RBFOX3: variants seen among roughly 807,000 people sequenced by gnomAD.
The protein encoded by RBFOX3 is RNA binding protein fox-1 homolog 3.
In RBFOX3, 17 loss-of-function variants were observed where a neutral mutation model predicts 48.7. The ratio of observed to expected loss-of-function variants is 0.35; its 90% CI spans 0.24 to 0.52. The LOEUF (loss-of-function observed/expected upper bound fraction) is 0.52, where lower values mean the gene tolerates loss of function less well. RBFOX3 is among the 20% of genes least tolerant of loss of function. RBFOX3 has a pLI of 0.94. For synonymous variants in RBFOX3, 212 were observed against 209.5 expected (o/e 1.01, Z -0.10); for missense variants, 382 against 497.5 (o/e 0.77, Z 2.21).
chr17:79,498,693 T>A (rs1324561486), intron 1 of RBFOX3, among the ~76,000 whole-genome samples: 5 of 137,404 alleles, frequency 3.6e-5, no homozygotes, highest in African/African-American at 1.1e-4. Context: ...CACTTACCCA[T>A]CCACCTACTC....
chr17:79,230,671 A>C (rs945628754), intron 4 of RBFOX3, among the ~76,000 whole-genome samples: 7 of 152,144 alleles, frequency 4.6e-5, no homozygotes, highest in African/African-American at 1.7e-4. Flanking sequence ...CATTGAGGAG[A>C]GGAGGCTGTT....
chr17:79,491,847 A>G (rs1432926445), intron 1 of RBFOX3, among the ~76,000 whole-genome samples: 1 of 152,200 alleles, frequency 6.6e-6, no homozygotes, highest in Non-Finnish European at 1.5e-5. Context: ...TGGGAGGCCA[A>G]GGTGGGCAGA....
intron 6 of RBFOX3, 138 bp downstream of exon 6, chr17:79,106,513 G>T: frequency 1.7e-6 from 2 of 1,143,862 alleles, no homozygotes; most frequent in Non-Finnish European, 2.3e-6. Flanking sequence ...GGAATCCTGG[G>T]GCCCCGGAGG....
chr17:79,506,629 T>C (rs2083176524), intron 1 of RBFOX3, among the ~76,000 whole-genome samples: 2 of 152,104 alleles, frequency 1.3e-5, no homozygotes, highest in Admixed American at 6.5e-5. Context: ...AGGAAGCCAA[T>C]TGCCGCGGCC....
chr17:79,212,000 A>C (rs1449177912), intron 4 of RBFOX3, among the ~76,000 whole-genome samples: 2 of 152,190 alleles, frequency 1.3e-5, no homozygotes, highest in Non-Finnish European at 2.9e-5. Context: ...GGTTGTGGCC[A>C]GGCCAAGCTC....
intron 3 of RBFOX3, among the ~76,000 whole-genome samples, chr17:79,265,407 T>C (rs2066530035): frequency 6.6e-6 from 1 of 152,202 alleles, no homozygotes; most frequent in African/African-American, 2.4e-5. Flanking sequence ...GTCCTCTCTC[T>C]TGCTTTTTCC....
At chr17:79,250,807 C>T (rs8075073) in intron 3 of RBFOX3, among the ~76,000 whole-genome samples, 11,152 of 146,648 alleles carry the variant, frequency 0.076, 455 homozygotes, top group South Asian at 0.11. Context: ...CCCTCCCTCC[C>T]TCCCTTTCTC....
chr17:79,371,802 A>G (rs1336107751), intron 2 of RBFOX3, among the ~76,000 whole-genome samples: 1 of 152,192 alleles, frequency 6.6e-6, no homozygotes, highest in Non-Finnish European at 1.5e-5. Flanking sequence ...CGCCCTGGTC[A>G]GCCGTGCCCT....
intron 2 of RBFOX3, among the ~76,000 whole-genome samples, chr17:79,369,740 C>T (rs1247012732): frequency 1.3e-5 from 2 of 152,166 alleles, no homozygotes; most frequent in African/African-American, 2.4e-5. Flanking sequence ...CCTGCAGCTC[C>T]TGGTGCCACC....
chr17:79,520,806 C>G (rs2085958678), intron 1 of RBFOX3, among the ~76,000 whole-genome samples: 1 of 152,180 alleles, frequency 6.6e-6, no homozygotes, highest in Non-Finnish European at 1.5e-5. Context: ...CACAGCCTCC[C>G]CCGGCAGACA....
At chr17:79,655,188 C>T in the RBFOX3 span, among the ~76,000 whole-genome samples, 29 of 152,250 alleles carry the variant, frequency 1.9e-4, no homozygotes, top group African/African-American at 7.0e-4. Context: ...CAGGAAAAGC[C>T]CTGCACCCGG....
chr17:79,174,362 G>T lies in RBFOX3; in HGVS notation c.-33-58614C>A, dbSNP rs1195567269. Among the ~76,000 whole-genome samples, 3 of 143,126 alleles carry T rather than the reference G, an allele frequency of 2.1e-5. No homozygotes were observed. The East Asian group carries it at 6.1e-4, about 29-fold the overall frequency. 93.9% of individuals were successfully genotyped at this position (143,126 alleles called of 152,430 possible). On this transcript the variant is annotated intron_variant, in intron 4 of 14. Coordinates refer to ENST00000693108, the MANE Select transcript of RBFOX3 (RefSeq NM_001350451.2). ...CACAATGCAGCCACACGTGCACACA[G>T]ACACATGCGCACACACACACATCCA...
At position 79,408,426 on chromosome 17, in the gene RBFOX3, G is replaced by A. The variant is rs113428485; in HGVS notation, c.-175+74028C>T. ...AGCAGAAAAGGCTGGAGCAACCAGC[G>A]GGCAATGAGATCTGAGCAGGATGGG... is the stretch of plus-strand genomic sequence containing the variant. On this transcript the variant is annotated intron_variant, in intron 2 of 14. Coordinates refer to ENST00000693108, the MANE Select transcript of RBFOX3 (RefSeq NM_001350451.2). 2.4e-3 allele frequency among the ~76,000 whole-genome samples: 368 copies of A among 152,296 alleles called. 1 individual carries two copies. The highest frequency in any genetic ancestry group is 8.2e-3 in the African/African-American group (342 of 41,562).
At chr17:79,438,091 C>A (rs963065776) in intron 2 of RBFOX3, among the ~76,000 whole-genome samples, 6 of 86,452 alleles carry the variant, frequency 6.9e-5, no homozygotes, top group Non-Finnish European at 1.2e-4. Context: ...TGCACACACA[C>A]AGGTGCACAG....
chr17:79,212,099 C>T lies in RBFOX3; in HGVS notation c.-34+23667G>A, dbSNP rs16972153. 0.043 allele frequency among the ~76,000 whole-genome samples: 6,616 copies of T among 152,332 alleles called. 172 individuals are homozygous for T. The highest frequency in any genetic ancestry group is 0.054 in the Middle Eastern group (16 of 294). On this transcript the variant is annotated intron_variant, in intron 4 of 14. Coordinates refer to ENST00000693108, the MANE Select transcript of RBFOX3 (RefSeq NM_001350451.2). This position sits in a 1 kb window ranked among gnomAD's most constrained non-coding sequence, Gnocchi z 4.7. ...CCGCTGCATTGGGGAAATTGACCAG[C>T]GCCCAAAGACGGGCCCACCTGGGCA...
chr17:79,284,979 A>G (rs2071523632), intron 3 of RBFOX3, among the ~76,000 whole-genome samples: 1 of 152,134 alleles, frequency 6.6e-6, no homozygotes, highest in Admixed American at 6.5e-5. Context: ...CGCTTTGTAA[A>G]TGGTCATGGA....
At position 79,170,131 on chromosome 17, in the gene RBFOX3, G is replaced by GA. The variant is rs1415818493; in HGVS notation, c.-33-54384dup. ...AAGGAGGAGGAAGGAAGGAAGGAAG[G>GA]AGGAAGGAGGGAAGGAAGGAAGGGA... On this transcript the variant is annotated intron_variant, in intron 4 of 14. Transcript: ENST00000693108. Among the ~76,000 whole-genome samples the GA allele has an allele frequency of 3.4e-5, 5 of 146,464 alleles. No individual in the cohort carries two copies. In the East Asian group the frequency reaches 6.0e-4, roughly 17 times the overall value.
At chr17:79,396,623 C>T (rs561515302) in intron 2 of RBFOX3, among the ~76,000 whole-genome samples, 5 of 152,172 alleles carry the variant, frequency 3.3e-5, no homozygotes, top group Non-Finnish European at 7.3e-5. Flanking sequence ...TGCTGGCCAC[C>T]CCGTCATTAT....
At chr17:79,139,735 C>G (rs1177887979) in intron 4 of RBFOX3, among the ~76,000 whole-genome samples, 5 of 152,154 alleles carry the variant, frequency 3.3e-5, no homozygotes, top group Non-Finnish European at 5.9e-5. Flanking sequence ...TTCCCAAAGG[C>G]AGAAATGGGC....
Sources: allele counts gnomAD v4.1 joint callset (sites outside exome capture counted in the v4.1 genomes callset), GRCh38; gene constraint gnomAD v4.1.1; non-coding constraint Gnocchi (gnomAD v3.1); transcripts MANE v1.5; gene names NCBI Gene and HGNC (gene_info 2026-07-23, HGNC 2026-07-21).